ASMTL: variants seen among roughly 807,000 people sequenced by gnomAD.
The protein encoded by ASMTL is acetylserotonin O-methyltransferase like, also known as probable bifunctional dTTP/UTP pyrophosphatase/methyltransferase protein.
In ASMTL, 57 loss-of-function variants were observed where a neutral mutation model predicts 60.3. The ratio of observed to expected loss-of-function variants is 0.95; its 90% CI spans 0.76 to 1.18. The LOEUF (loss-of-function observed/expected upper bound fraction) is 1.18, where lower values mean the gene tolerates loss of function less well. Ranked by LOEUF, ASMTL falls within the 50% of genes most tolerant of loss-of-function variation. The probability of loss-of-function intolerance (pLI) is 0.00; values close to 1 mark genes in which losing one functional copy is unlikely to be tolerated. For synonymous variants in ASMTL, 419 were observed against 373.0 expected (o/e 1.12, Z -1.42); for missense variants, 981 against 852.6 (o/e 1.15, Z -1.88).
chrX:1,431,309 A>T (rs2090777786), intron 6 of ASMTL, among the ~76,000 whole-genome samples: 1 of 131,634 alleles, frequency 7.6e-6, no homozygotes, highest in Non-Finnish European at 1.5e-5. Context: ...AATATATAAA[A>T]TTATATATTT....
At chrX:1,443,035 C>G (rs2091140332) in intron 1 of ASMTL, among the ~76,000 whole-genome samples, 1 of 148,894 alleles carries the variant, frequency 6.7e-6, no homozygotes, top group African/African-American at 2.4e-5. Context: ...ACACCACCAT[C>G]TTGGACGCAT....
At position 1,433,089 on chromosome X, in the gene ASMTL, C is replaced by T. The variant is rs1332221245; in HGVS notation, c.401-712G>A. ...CTGCAGCCTGGGCGACAGAGCGAGA[C>T]TCTGTCTCAAATAAATAAATAATAA... On this transcript the variant is annotated intron_variant, in intron 5 of 12. Transcript: ENST00000381317. 5.3e-5 allele frequency among the ~76,000 whole-genome samples: 8 copies of T among 152,044 alleles called. No homozygotes were observed. The South Asian group carries it at 1.7e-3, about 32-fold the overall frequency.
At chrX:1,437,329 C>T (rs1254839734) in intron 3 of ASMTL, among the ~76,000 whole-genome samples, 2 of 150,352 alleles carry the variant, frequency 1.3e-5, no homozygotes, top group African/African-American at 4.9e-5. Flanking sequence ...TAGTCCATTT[C>T]AGGCTGCTAA....
At chrX:1,432,660 T>C (rs2090830209) in intron 5 of ASMTL, among the ~76,000 whole-genome samples, 1 of 151,656 alleles carries the variant, frequency 6.6e-6, no homozygotes, top group Non-Finnish European at 1.5e-5. Context: ...AAACCCCGTC[T>C]CTACTAAAAA....
At chrX:1,440,624 T>C (rs1186748420) in intron 2 of ASMTL, among the ~76,000 whole-genome samples, 2 of 152,148 alleles carry the variant, frequency 1.3e-5, no homozygotes, top group African/African-American at 2.4e-5. Flanking sequence ...TAAATGACAG[T>C]AGTGTATTAA....
At chrX:1,442,741 C>T (rs1280663688) in intron 1 of ASMTL, among the ~76,000 whole-genome samples, 25 of 152,266 alleles carry the variant, frequency 1.6e-4, no homozygotes, top group Admixed American at 1.0e-3. Context: ...TCAGGAAAAA[C>T]GCCAGCAATG....
At chrX:1,432,657 G>C (rs1192541437) in intron 5 of ASMTL, among the ~76,000 whole-genome samples, 1 of 151,868 alleles carries the variant, frequency 6.6e-6, no homozygotes, top group East Asian at 1.9e-4. Context: ...GTGAAACCCC[G>C]TCTCTACTAA....
intron 9 of ASMTL, among the ~76,000 whole-genome samples, chrX:1,421,103 G>A (rs1385518101): frequency 1.3e-5 from 2 of 151,988 alleles, no homozygotes; most frequent in African/African-American, 4.8e-5. Context: ...GGGACTACAG[G>A]CACGCGCCAT....
intron 1 of ASMTL, among the ~76,000 whole-genome samples, chrX:1,449,554 C>T (rs1259123805): frequency 1.1e-4 from 17 of 151,884 alleles, no homozygotes; most frequent in Admixed American, 1.0e-3. Flanking sequence ...GAGTAGACTC[C>T]TGCCCCACTG....
At chrX:1,405,861 GGATA>G (rs1183532993) in intron 12 of ASMTL, among the ~76,000 whole-genome samples, 2 of 150,180 alleles carry the variant, frequency 1.3e-5, no homozygotes, top group Admixed American at 1.3e-4. Flanking sequence ...ATGGATGGAT[GGATA>G]GATGGATGCA....
chrX:1,439,896 C>T (rs1317861092), intron 2 of ASMTL, among the ~76,000 whole-genome samples: 12 of 150,550 alleles, frequency 8.0e-5, no homozygotes, highest in South Asian at 2.1e-4. Flanking sequence ...GTACTTAGGA[C>T]GATAAAACAA....
In ASMTL at chrX:1,452,735, G is replaced by T; in HGVS notation, c.93+13C>A. 1 of 1,581,644 alleles carries T rather than the reference G, an allele frequency of 6.3e-7. No individual in the cohort carries two copies. ...GTCCCCGGTCCCCTGCCCCGCCCAGGCCCAGGCCGTACCGCGTTGCTGAGG... is the reference window on the plus strand; with the variant it reads ...GTCCCCGGTCCCCTGCCCCGCCCAGTCCCAGGCCGTACCGCGTTGCTGAGG... On this transcript the variant is annotated intron_variant, in intron 1 of 12. Transcript: ENST00000381317.
chrX:1,420,201 C>G lies in ASMTL; in HGVS notation c.1246-1087G>C, dbSNP rs1215013191. Among the ~76,000 whole-genome samples, 10 of 151,904 alleles carry G rather than the reference C, an allele frequency of 6.6e-5. 1 individual carries two copies. The highest frequency in any genetic ancestry group is 2.6e-4 in the Admixed American group (4 of 15,234). On this transcript the variant is annotated intron_variant, in intron 9 of 12. Coordinates refer to ENST00000381317, the MANE Select transcript of ASMTL (RefSeq NM_004192.4). ...CGCCTCCCTCTGTCTCTCAAGTCTC[C>G]CTGTCTCTCCATCTCTCTCCCTATC...
intron 12 of ASMTL, among the ~76,000 whole-genome samples, chrX:1,411,345 C>G: frequency 1.3e-5 from 2 of 152,280 alleles, no homozygotes; most frequent in Non-Finnish European, 2.9e-5. Context: ...CCGTTGTCTG[C>G]AAATATTCCA....
At chrX:1,415,029 C>A (rs772836251) in intron 11 of ASMTL, among the ~76,000 whole-genome samples, 1 of 149,400 alleles carries the variant, frequency 6.7e-6, no homozygotes, top group African/African-American at 2.5e-5. Context: ...CAAGCTCCGC[C>A]TCCCGGGTTC....
At chrX:1,405,282 GGATA>G (rs1477085000) in intron 12 of ASMTL, among the ~76,000 whole-genome samples, 2 of 141,734 alleles carry the variant, frequency 1.4e-5, no homozygotes, top group East Asian at 3.9e-4. Flanking sequence ...ATGAGTGGAT[GGATA>G]GATGGATGTG....
At chrX:1,413,160 C>T (rs1235408328) in intron 11 of ASMTL, 13 of 373,944 alleles carry the variant, frequency 3.5e-5, no homozygotes, top group East Asian at 1.3e-4. Context: ...CTCAGGAGTT[C>T]GAGACCAGCC....
intron 12 of ASMTL, among the ~76,000 whole-genome samples, chrX:1,403,777 A>ATGGG (rs2089684075): frequency 6.6e-6 from 1 of 152,066 alleles, no homozygotes; most frequent in Admixed American, 6.5e-5. Flanking sequence ...ATGGTAGATG[A>ATGGG]TGGGTGGGTA....
At chrX:1,439,002 T>G in intron 3 of ASMTL, 95 bp downstream of exon 3, 1 of 1,358,106 alleles carries the variant, frequency 7.4e-7, no homozygotes, top group Admixed American at 1.7e-5. Flanking sequence ...CACTGCTGTC[T>G]TAAGGGGAAT....
Sources: allele counts gnomAD v4.1 joint callset (sites outside exome capture counted in the v4.1 genomes callset), GRCh38; gene constraint gnomAD v4.1.1; transcripts MANE v1.5; gene names NCBI Gene and HGNC (gene_info 2026-07-23, HGNC 2026-07-21).